The following TSPAN2 variants were observed in gnomAD, a reference collection of about 807,000 sequenced individuals.
TSPAN2 encodes tetraspanin-2.
In TSPAN2, 24 loss-of-function variants were observed where a neutral mutation model predicts 33.3. The observed-to-expected ratio is 0.72, with a 90% CI of 0.52 to 1.01. The LOEUF is 1.01. Among genes scored for constraint, TSPAN2 ranks in the 50% least tolerant of loss-of-function variants. The pLI, the probability that TSPAN2 is intolerant of heterozygous loss-of-function variation, is 0.00. For synonymous variants in TSPAN2, 114 were observed against 104.5 expected (o/e 1.09, Z -0.56); for missense variants, 278 against 281.3 (o/e 0.99, Z 0.08).
At chr1:115,075,469 C>G (rs1006769470) in intron 1 of TSPAN2, among the ~76,000 whole-genome samples, 3 of 152,132 alleles carry the variant, frequency 2.0e-5, no homozygotes, top group Non-Finnish European at 4.4e-5. Flanking sequence ...AAAGTGGCAT[C>G]GGCACAGACC....
At chr1:115,086,933 T>C (rs1460991929) in intron 1 of TSPAN2, among the ~76,000 whole-genome samples, 2 of 152,086 alleles carry the variant, frequency 1.3e-5, no homozygotes, top group Non-Finnish European at 2.9e-5. Context: ...TTGTTTGTTT[T>C]TGAGATGGAG....
At chr1:115,057,856 C>A (rs913775061) in intron 5 of TSPAN2, among the ~76,000 whole-genome samples, 4 of 152,232 alleles carry the variant, frequency 2.6e-5, no homozygotes, top group Admixed American at 1.3e-4. Flanking sequence ...CCAAACAAGG[C>A]AAGAAGCTAA....
At chr1:115,071,345 G>A (rs1197778430) in intron 2 of TSPAN2, among the ~76,000 whole-genome samples, 3 of 152,176 alleles carry the variant, frequency 2.0e-5, no homozygotes, top group African/African-American at 7.2e-5. Flanking sequence ...AGCGAAATTT[G>A]CTTTGTTCTC....
intron 2 of TSPAN2, among the ~76,000 whole-genome samples, chr1:115,072,540 G>GA (rs1215012994): frequency 2.6e-5 from 4 of 152,142 alleles, no homozygotes; most frequent in African/African-American, 9.7e-5. Context: ...TTTACTCCAG[G>GA]GGCAATAGGG....
intron 2 of TSPAN2, among the ~76,000 whole-genome samples, chr1:115,063,411 T>G (rs1056274560): frequency 3.9e-5 from 6 of 152,010 alleles, no homozygotes; most frequent in Non-Finnish European, 2.9e-5. Flanking sequence ...TGTTAAAAAG[T>G]CAAAAATAAC....
intron 6 of TSPAN2, among the ~76,000 whole-genome samples, chr1:115,055,098 T>C (rs1163596649): frequency 1.3e-5 from 2 of 152,194 alleles, no homozygotes; most frequent in Non-Finnish European, 2.9e-5. Flanking sequence ...TTCCTTCCTA[T>C]ACATTCAGCC....
intron 1 of TSPAN2, among the ~76,000 whole-genome samples, chr1:115,075,889 C>T (rs1455102834): frequency 6.6e-6 from 1 of 152,046 alleles, no homozygotes; most frequent in African/African-American, 2.4e-5. Context: ...TCTTCTGCCC[C>T]CAGCCACATC....
At chr1:115,072,826 T>C in intron 2 of TSPAN2, 79 bp downstream of exon 2, 1 of 1,273,746 alleles carries the variant, frequency 7.9e-7, no homozygotes. Flanking sequence ...CCACCAAAGT[T>C]CAAGTGCAGC....
intron 1 of TSPAN2, among the ~76,000 whole-genome samples, chr1:115,076,142 A>C (rs958189375): frequency 6.6e-6 from 1 of 152,196 alleles, no homozygotes; most frequent in African/African-American, 2.4e-5. Flanking sequence ...GGAATCATTA[A>C]ATTTTAATTT....
chr1:115,080,926 C>A (rs1225890344), intron 1 of TSPAN2, among the ~76,000 whole-genome samples: 1 of 152,126 alleles, frequency 6.6e-6, no homozygotes, highest in Admixed American at 6.5e-5. Flanking sequence ...TAAGCAAAGA[C>A]AACACATTAA....
chr1:115,060,558 C>G lies in TSPAN2; in HGVS notation c.271-20G>C. ...AAAAAACTGTAGAGGAGAGAAAATA[C>G]TAATTTCATTAATTTAATACCTTTT... On this transcript the variant is annotated intron_variant, in intron 3 of 7. Transcript: ENST00000369516. 6.3e-7 allele frequency: 1 copy of G among 1,588,998 alleles called. No homozygotes were observed. Among genetic ancestry groups the G allele is most frequent in the Non-Finnish European group, 8.6e-7 (1 of 1,161,240 alleles).
rs539067842 is a variant in TSPAN2, at chr1:115,081,079, A to G, written c.70-8072T>C. On this transcript the variant is annotated intron_variant, in intron 1 of 7. Transcript: ENST00000369516. ...TAAAAAAATGTTTCAAATGGAACTA[A>G]GGCTAGATTAGAAAAGCCAAAACAA... is the stretch of plus-strand genomic sequence containing the variant. Among the ~76,000 whole-genome samples the G allele has an allele frequency of 2.0e-5, 3 of 152,364 alleles. No homozygotes were observed. The South Asian group carries it at 6.2e-4, about 32-fold the overall frequency.
At chr1:115,064,732 G>A (rs1647876788) in intron 2 of TSPAN2, among the ~76,000 whole-genome samples, 1 of 152,196 alleles carries the variant, frequency 6.6e-6, no homozygotes, top group Non-Finnish European at 1.5e-5. Flanking sequence ...GCTGGAAACA[G>A]GTCTCAGCAA....
chr1:115,080,240 G>T (rs1648572647), intron 1 of TSPAN2, among the ~76,000 whole-genome samples: 1 of 152,172 alleles, frequency 6.6e-6, no homozygotes, highest in Non-Finnish European at 1.5e-5. Context: ...AAGGAGATTA[G>T]GGAACATCAA....
At chr1:115,054,346 G>C (rs184779489) in intron 6 of TSPAN2, among the ~76,000 whole-genome samples, 2 of 152,090 alleles carry the variant, frequency 1.3e-5, no homozygotes, top group Admixed American at 6.5e-5. Context: ...AACATTTCTT[G>C]AGCATCTACC....
At chr1:115,081,543 AG>A (rs1404965773) in intron 1 of TSPAN2, among the ~76,000 whole-genome samples, 1 of 152,200 alleles carries the variant, frequency 6.6e-6, no homozygotes. Flanking sequence ...AAGGAGTTGT[AG>A]TGGATAAAAA....
At chr1:115,075,948 G>C (rs1340144903) in intron 1 of TSPAN2, among the ~76,000 whole-genome samples, 2 of 151,890 alleles carry the variant, frequency 1.3e-5, no homozygotes, top group Non-Finnish European at 2.9e-5. Context: ...ATAAACTACA[G>C]TCCAGGCCAG....
At chr1:115,073,106 T>C (rs1648250674) in intron 1 of TSPAN2, 99 bp from the exon 2 acceptor site, 2 of 1,001,972 alleles carry the variant, frequency 2.0e-6, no homozygotes, top group Non-Finnish European at 3.1e-6. Context: ...AGGTCACCCC[T>C]TTGGAAATCA....
chr1:115,069,924 A>C (rs1221907491), intron 2 of TSPAN2, among the ~76,000 whole-genome samples: 1 of 152,248 alleles, frequency 6.6e-6, no homozygotes, highest in East Asian at 1.9e-4. Context: ...TAAATATGAC[A>C]TGAAGGAGAG....
Sources: allele counts gnomAD v4.1 joint callset (sites outside exome capture counted in the v4.1 genomes callset), GRCh38; gene constraint gnomAD v4.1.1; transcripts MANE v1.5; gene names NCBI Gene and HGNC (gene_info 2026-07-23, HGNC 2026-07-21).